The following OXR1 variants were observed in gnomAD, a reference collection of about 807,000 sequenced individuals.
OXR1 encodes oxidation resistance 1.
OXR1 carries 41 observed loss-of-function variants against 104.6 expected under a neutral mutation model. The observed-to-expected ratio is 0.39, with a 90% CI of 0.31 to 0.51. The LOEUF is 0.51. Ranked by LOEUF, OXR1 falls within the 20% of genes least tolerant of loss-of-function variation. The pLI is 0.77. For missense variants in OXR1, 955 were observed against 1,031.9 expected (o/e 0.93, Z 1.02); for synonymous variants, 348 against 348.4 (o/e 1.00, Z 0.01).
intron 3 of OXR1, among the ~76,000 whole-genome samples, chr8:106,665,127 G>A (rs1826145421): frequency 6.6e-6 from 1 of 152,162 alleles, no homozygotes; most frequent in African/African-American, 2.4e-5. Flanking sequence ...ACTGTTGGCT[G>A]GATCCTGTCC....
At chr8:106,301,166 C>T (rs1481098917) in intron 1 of OXR1, among the ~76,000 whole-genome samples, 3 of 152,136 alleles carry the variant, frequency 2.0e-5, no homozygotes, top group Non-Finnish European at 4.4e-5. Context: ...ACAGTGAATG[C>T]ATTACCTGGA....
chr8:106,615,948 A>G (rs775368341), intron 3 of OXR1, among the ~76,000 whole-genome samples: 1 of 151,860 alleles, frequency 6.6e-6, no homozygotes, highest in Non-Finnish European at 1.5e-5. Flanking sequence ...ACTTTAATGT[A>G]GTAGAATGGA....
intron 3 of OXR1, among the ~76,000 whole-genome samples, chr8:106,595,273 C>T (rs1488998278): frequency 7.3e-5 from 11 of 149,992 alleles, no homozygotes; most frequent in East Asian, 2.0e-4. Context: ...TAGAACTGGC[C>T]GGGTGCGCTG....
chr8:106,325,893 T>C (rs753256357), intron 1 of OXR1, among the ~76,000 whole-genome samples: 11 of 152,228 alleles, frequency 7.2e-5, no homozygotes, highest in Non-Finnish European at 1.5e-4. Flanking sequence ...GTGAAAGCAT[T>C]TGTATTTGAG....
At chr8:106,392,750 A>G (rs1215224879) in intron 2 of OXR1, among the ~76,000 whole-genome samples, 1 of 152,204 alleles carries the variant, frequency 6.6e-6, no homozygotes, top group Non-Finnish European at 1.5e-5. Flanking sequence ...GTCATAGACA[A>G]TAATATCTAA....
intron 3 of OXR1, among the ~76,000 whole-genome samples, chr8:106,643,501 T>A (rs1377175745): frequency 6.6e-6 from 1 of 152,100 alleles, no homozygotes; most frequent in East Asian, 1.9e-4. Flanking sequence ...TCCTTTCTAA[T>A]AATAGAAGAG....
intron 11 of OXR1, among the ~76,000 whole-genome samples, chr8:106,734,510 G>C (rs187124680): frequency 6.6e-6 from 1 of 152,302 alleles, no homozygotes; most frequent in Non-Finnish European, 1.5e-5. Flanking sequence ...ATTTTTGTTA[G>C]TGTGCAAGAC....
intron 3 of OXR1, among the ~76,000 whole-genome samples, chr8:106,553,425 C>A (rs1816027122): frequency 6.6e-6 from 1 of 151,474 alleles, no homozygotes; most frequent in African/African-American, 2.4e-5. Context: ...CTCAAGCAAT[C>A]CTCACACCTC....
chr8:106,359,047 T>TTTTC (rs76498142), intron 1 of OXR1, among the ~76,000 whole-genome samples: 11,600 of 140,994 alleles, frequency 0.082, 535 homozygotes, highest in Middle Eastern at 0.12. Context: ...CATGGAATTC[T>TTTTC]TTTCTTTCTT....
chr8:106,511,546 C>A (rs1347049459), intron 2 of OXR1, among the ~76,000 whole-genome samples: 1 of 82,744 alleles, frequency 1.2e-5, no homozygotes, highest in African/African-American at 3.5e-5. Flanking sequence ...TACACACACA[C>A]TCTCTCTCAT....
intron 3 of OXR1, among the ~76,000 whole-genome samples, chr8:106,554,475 C>T (rs567149139): frequency 1.3e-5 from 2 of 152,292 alleles, no homozygotes; most frequent in East Asian, 3.9e-4. Context: ...ACTATGAAAA[C>T]TGGTAATATT....
At chr8:106,661,654 C>T (rs535043096) in intron 3 of OXR1, among the ~76,000 whole-genome samples, 3 of 152,262 alleles carry the variant, frequency 2.0e-5, no homozygotes, top group African/African-American at 4.8e-5. Context: ...AACATGAAAT[C>T]GTTTTTATCA....
In OXR1 at chr8:106,493,309, C is replaced by A. The variant is rs150789085; in HGVS notation, c.24-25634C>A. ...ATTTGTCATATACCTGTATTCCCTG[C>A]AGGTGTCTTCTCATTCCTCCTTGTT... is the stretch of plus-strand genomic sequence containing the variant. On this transcript the variant is annotated intron_variant, in intron 2 of 16. Transcript: ENST00000517566. 7.3e-3 allele frequency among the ~76,000 whole-genome samples: 1,110 copies of A among 152,272 alleles called. 14 individuals are homozygous for A. Among genetic ancestry groups the A allele is most frequent in the African/African-American group, 0.025 (1,047 of 41,564 alleles).
chr8:106,390,848 A>G (rs1029812253), intron 2 of OXR1, among the ~76,000 whole-genome samples: 1 of 152,224 alleles, frequency 6.6e-6, no homozygotes, highest in Non-Finnish European at 1.5e-5. Context: ...TCTCCAATAT[A>G]GTTTGGTCTT....
At chr8:106,612,579 T>A (rs938328693) in intron 3 of OXR1, among the ~76,000 whole-genome samples, 30 of 152,174 alleles carry the variant, frequency 2.0e-4, no homozygotes, top group Non-Finnish European at 3.4e-4. Flanking sequence ...ATTTTGTATT[T>A]TCTAAGTCAG....
At chr8:106,692,934 A>G (rs1829460671) in intron 7 of OXR1, 57 bp downstream of exon 7, 7 of 1,247,198 alleles carry the variant, frequency 5.6e-6, no homozygotes, top group East Asian at 2.4e-5. Context: ...TTACTAATGT[A>G]TGATAGTTTG....
intron 2 of OXR1, among the ~76,000 whole-genome samples, chr8:106,449,984 CT>C (rs1820225274): frequency 6.6e-6 from 1 of 152,128 alleles, no homozygotes; most frequent in South Asian, 2.1e-4. Context: ...TACTCTGAAA[CT>C]TGATATTTCA....
At chr8:106,412,090 A>C (rs1245405194) in intron 2 of OXR1, among the ~76,000 whole-genome samples, 1 of 152,172 alleles carries the variant, frequency 6.6e-6, no homozygotes, top group Non-Finnish European at 1.5e-5. Context: ...TGTTAATATT[A>C]AATACTCAAA....
At chr8:106,665,729 CTT>C (rs1263678042) in intron 3 of OXR1, among the ~76,000 whole-genome samples, 1 of 152,084 alleles carries the variant, frequency 6.6e-6, no homozygotes, top group Non-Finnish European at 1.5e-5. Flanking sequence ...TTAGGAGACT[CTT>C]TATAAATGTT....
Sources: gnomAD v4.1 joint callset for allele counts (sites outside exome capture counted in the v4.1 genomes callset) on GRCh38, gnomAD v4.1.1 for gene constraint, MANE v1.5 for transcripts, NCBI Gene and HGNC (gene_info 2026-07-23, HGNC 2026-07-21) for gene names.